Variants in NR2F1-AS1 observed in about 807,000 individuals in gnomAD.
NR2F1-AS1 encodes NR2F1 antisense RNA 1.
At chr5:93,431,075 G>T (rs879641033) in intron 4 of NR2F1-AS1, among the ~76,000 whole-genome samples, 1 of 152,032 alleles carries the variant, frequency 6.6e-6, no homozygotes, top group Admixed American at 6.6e-5. Context: ...TTTTTCACTC[G>T]TAATGATGTC....
intron 4 of NR2F1-AS1, among the ~76,000 whole-genome samples, chr5:93,530,056 C>T (rs1168879160): frequency 2.0e-5 from 3 of 150,942 alleles, no homozygotes; most frequent in African/African-American, 7.3e-5. Flanking sequence ...GGGCCTGCCT[C>T]CCACCTACAA....
chr5:93,484,796 A>T (rs1325841041), intron 4 of NR2F1-AS1, among the ~76,000 whole-genome samples: 2 of 147,300 alleles, frequency 1.4e-5, no homozygotes, highest in South Asian at 2.1e-4. Flanking sequence ...AAAAAAAAAA[A>T]TGCAGGGGTT....
intron 4 of NR2F1-AS1, among the ~76,000 whole-genome samples, chr5:93,493,930 A>G (rs1157003276): frequency 6.6e-6 from 1 of 152,214 alleles, no homozygotes; most frequent in African/African-American, 2.4e-5. Flanking sequence ...TCATGACTTT[A>G]GATTTGGTAA....
At chr5:93,459,257 C>T (rs1371758295) in intron 4 of NR2F1-AS1, among the ~76,000 whole-genome samples, 2 of 151,426 alleles carry the variant, frequency 1.3e-5, no homozygotes, top group African/African-American at 4.9e-5. Context: ...TTGAAATATT[C>T]AAATATCTGA....
intron 4 of NR2F1-AS1, among the ~76,000 whole-genome samples, chr5:93,511,049 C>T (rs995757040): frequency 1.3e-5 from 2 of 152,102 alleles, no homozygotes; most frequent in African/African-American, 2.4e-5. Flanking sequence ...AATATACATA[C>T]AACTTAAATT....
chr5:93,476,266 A>C (rs1055839976), intron 4 of NR2F1-AS1, among the ~76,000 whole-genome samples: 1 of 152,208 alleles, frequency 6.6e-6, no homozygotes, highest in South Asian at 2.1e-4. Flanking sequence ...GTTCAAAGCC[A>C]TCTTTTTTTC....
chr5:93,495,396 C>T (rs991012557), intron 4 of NR2F1-AS1, among the ~76,000 whole-genome samples: 1 of 152,020 alleles, frequency 6.6e-6, no homozygotes, highest in African/African-American at 2.4e-5. Context: ...CATTAAATTA[C>T]AATTCTTTTA....
chr5:93,472,826 TA>T (rs1161395974), intron 4 of NR2F1-AS1, among the ~76,000 whole-genome samples: 8 of 151,942 alleles, frequency 5.3e-5, no homozygotes, highest in African/African-American at 1.9e-4. Context: ...ACCTTCCCTT[TA>T]AACAAAGCAT....
intron 4 of NR2F1-AS1, among the ~76,000 whole-genome samples, chr5:93,430,871 A>T (rs1010474250): frequency 6.7e-6 from 1 of 149,696 alleles, no homozygotes; most frequent in Non-Finnish European, 1.5e-5. Context: ...TATCATCATC[A>T]TCATCATCAT....
At chr5:93,494,023 G>A (rs1339104380) in intron 4 of NR2F1-AS1, among the ~76,000 whole-genome samples, 1 of 152,028 alleles carries the variant, frequency 6.6e-6, no homozygotes, top group Non-Finnish European at 1.5e-5. Context: ...AAATATTTGT[G>A]TATCAAAGGA....
At chr5:93,413,330 G>C (rs1748902221) in intron 4 of NR2F1-AS1, among the ~76,000 whole-genome samples, 1 of 151,834 alleles carries the variant, frequency 6.6e-6, no homozygotes, top group Non-Finnish European at 1.5e-5. Context: ...AGGAGGAAAA[G>C]ACACAAAGTG....
At chr5:93,570,888 G>C (rs1031626538) in intron 1 of NR2F1-AS1, 18 of 152,220 alleles carry the variant, frequency 1.2e-4, no homozygotes, top group Admixed American at 5.2e-4. Context: ...GCTTAGGGTC[G>C]GAGTTCGCTA....
chr5:93,428,457 C>T (rs1749240823), intron 4 of NR2F1-AS1, among the ~76,000 whole-genome samples: 1 of 152,124 alleles, frequency 6.6e-6, no homozygotes. Flanking sequence ...TACAATATTT[C>T]AATTAAAACT....
At chr5:93,468,224 T>C (rs1256717817) in intron 4 of NR2F1-AS1, among the ~76,000 whole-genome samples, 1 of 152,192 alleles carries the variant, frequency 6.6e-6, no homozygotes, top group African/African-American at 2.4e-5. Context: ...CTTGAGGAAT[T>C]GCCACACTGT....
At chr5:93,454,703 T>A (rs746497733) in intron 4 of NR2F1-AS1, among the ~76,000 whole-genome samples, 1 of 152,164 alleles carries the variant, frequency 6.6e-6, no homozygotes, top group Non-Finnish European at 1.5e-5. Context: ...TCTCCGGGGA[T>A]GGGGAAAGGG....
chr5:93,479,716 A>T (rs568430992), intron 4 of NR2F1-AS1, among the ~76,000 whole-genome samples: 1 of 152,322 alleles, frequency 6.6e-6, no homozygotes, highest in Non-Finnish European at 1.5e-5. Flanking sequence ...GAATTTACTA[A>T]GCAAAGACTT....
intron 2 of NR2F1-AS1, among the ~76,000 whole-genome samples, chr5:93,559,031 T>A (rs1452023894): frequency 1.3e-5 from 2 of 152,232 alleles, no homozygotes. Context: ...GTCTGTCCTT[T>A]GAGGCTTTGA....
intron 4 of NR2F1-AS1, among the ~76,000 whole-genome samples, chr5:93,503,701 G>A (rs1751129710): frequency 6.6e-6 from 1 of 152,086 alleles, no homozygotes; most frequent in South Asian, 2.1e-4. Flanking sequence ...TAAACATCCT[G>A]GGCACAAAGT....
intron 4 of NR2F1-AS1, among the ~76,000 whole-genome samples, chr5:93,418,604 T>TAAAG: frequency 6.6e-6 from 1 of 151,484 alleles, no homozygotes; most frequent in Non-Finnish European, 1.5e-5. Context: ...AATAAATAAA[T>TAAAG]AAATAAATAA....
Sources: gnomAD v4.1 joint callset for allele counts (sites outside exome capture counted in the v4.1 genomes callset) on GRCh38, gnomAD v4.1.1 for gene constraint, MANE v1.5 for transcripts, NCBI Gene and HGNC (gene_info 2026-07-23, HGNC 2026-07-21) for gene names.